SLC44A5: variants seen among roughly 807,000 people sequenced by gnomAD.
The protein encoded by SLC44A5 is solute carrier family 44 member 5, also known as choline transporter-like protein 5.
A neutral mutation model predicts 101.8 loss-of-function variants in SLC44A5; 57 were observed. The ratio of observed to expected loss-of-function variants is 0.56; its 90% confidence interval spans 0.45 to 0.70. The LOEUF (loss-of-function observed/expected upper bound fraction) is 0.70, where lower values mean the gene tolerates loss of function less well. SLC44A5 is among the 30% of genes least tolerant of loss of function. The probability of loss-of-function intolerance (pLI) is 0.00; values close to 1 mark genes in which losing one functional copy is unlikely to be tolerated. For synonymous variants in SLC44A5, 281 were observed against 290.9 expected, an observed-to-expected ratio of 0.97 and a Z score of 0.35; for missense variants, 737 against 853.1, an observed-to-expected ratio of 0.86 and a Z score of 1.70.
rs148131131 is a variant in SLC44A5 at position 75,278,380 on chromosome 1, G to C, written c.176-3338C>G. On this transcript the variant is annotated intron_variant, in intron 5 of 23. Coordinates refer to ENST00000370859, the MANE Select transcript of SLC44A5 (RefSeq NM_001130058.2). ...GTTCTAGTAGAAAGAACAGTGTCAA[G>C]GGCTTCTTTAAGGTGATTATGAGTG... Among the ~76,000 whole-genome samples, 337 of 152,072 alleles carry C rather than the reference G, an allele frequency of 2.2e-3. 2 individuals carry two copies. The highest frequency in any genetic ancestry group is 7.5e-3 in the African/African-American group (310 of 41,502).
At chr1:75,451,545 T>C (rs1054169588) in intron 2 of SLC44A5, among the ~76,000 whole-genome samples, 2 of 152,104 alleles carry the variant, frequency 1.3e-5, no homozygotes, top group African/African-American at 4.8e-5. Context: ...CCTACCAGCA[T>C]GAAAACAATG....
chr1:75,413,159 T>G (rs1414827286), intron 2 of SLC44A5, among the ~76,000 whole-genome samples: 1 of 152,148 alleles, frequency 6.6e-6, no homozygotes, highest in East Asian at 1.9e-4. Context: ...TCTCTTACTG[T>G]GCCTAATTTA....
chr1:75,217,271 C>T (rs1022253409), intron 18 of SLC44A5, among the ~76,000 whole-genome samples: 2 of 151,886 alleles, frequency 1.3e-5, no homozygotes, highest in African/African-American at 4.8e-5. Context: ...TTTTATTTTA[C>T]CTCTATATGT....
chr1:75,393,431 T>C (rs950541713), intron 3 of SLC44A5, among the ~76,000 whole-genome samples: 1 of 152,198 alleles, frequency 6.6e-6, no homozygotes, highest in Non-Finnish European at 1.5e-5. Flanking sequence ...GGTTAAAAAC[T>C]CTTCTTTATC....
the SLC44A5 span, among the ~76,000 whole-genome samples, chr1:75,635,050 A>G: frequency 6.6e-6 from 1 of 150,782 alleles, no homozygotes; most frequent in African/African-American, 2.4e-5. Context: ...CAACAGACAC[A>G]TGAAAAAATG....
intron 1 of SLC44A5, among the ~76,000 whole-genome samples, chr1:75,604,032 G>A (rs1467593977): frequency 2.6e-5 from 4 of 151,730 alleles, no homozygotes; most frequent in African/African-American, 7.3e-5. Context: ...GGTCTCACTT[G>A]CAATTTTTGC....
chr1:75,620,121 T>C, the SLC44A5 span, among the ~76,000 whole-genome samples: 2 of 152,188 alleles, frequency 1.3e-5, no homozygotes, highest in Non-Finnish European at 2.9e-5. Flanking sequence ...CTGAGAATGA[T>C]GGTTTCCAGC....
At chr1:75,459,000 C>A (rs1391126174) in intron 2 of SLC44A5, among the ~76,000 whole-genome samples, 1 of 152,000 alleles carries the variant, frequency 6.6e-6, no homozygotes, top group Non-Finnish European at 1.5e-5. Flanking sequence ...GAGAATTGAA[C>A]CCCATCAGAA....
chr1:75,246,823 C>G (rs932519535), intron 7 of SLC44A5, among the ~76,000 whole-genome samples: 1 of 151,994 alleles, frequency 6.6e-6, no homozygotes, highest in African/African-American at 2.4e-5. Flanking sequence ...AAGTCTAAGT[C>G]TCTAAGGCAG....
chr1:75,453,439 A>T (rs1198805030), intron 2 of SLC44A5, among the ~76,000 whole-genome samples: 9 of 152,162 alleles, frequency 5.9e-5, no homozygotes, highest in Admixed American at 5.2e-4. Context: ...AGTTAGAAAG[A>T]TCTCAAATTA....
intron 6 of SLC44A5, among the ~76,000 whole-genome samples, chr1:75,271,019 T>G (rs1485387472): frequency 6.6e-6 from 1 of 152,096 alleles, no homozygotes; most frequent in Non-Finnish European, 1.5e-5. Context: ...TCCTTCACAG[T>G]GTGAAGGTTG....
rs549289470 is a variant in SLC44A5, at chr1:75,556,208, T to C, written c.-69-14692A>G. The stretch of plus-strand genomic sequence containing the variant: ...CTTCCTCCAAGCAAAATTAGTCACA[T>C]TGTATTTTGTTCTACTGTGCCCTAT... On this transcript the variant is annotated intron_variant, in intron 1 of 23. Coordinates refer to ENST00000370859, the MANE Select transcript of SLC44A5 (RefSeq NM_001130058.2). 3.3e-5 allele frequency among the ~76,000 whole-genome samples: 5 copies of C among 152,230 alleles called. No homozygotes were observed. In the South Asian group the frequency reaches 6.2e-4, roughly 19 times the overall value.
At chr1:75,666,521 C>G in the SLC44A5 span, among the ~76,000 whole-genome samples, 2,501 of 152,218 alleles carry the variant, frequency 0.016, 73 homozygotes, top group African/African-American at 0.057. Flanking sequence ...CAAAGAGGAG[C>G]TGGTACCACT....
At chr1:75,502,250 C>T (rs1298976419) in intron 2 of SLC44A5, among the ~76,000 whole-genome samples, 1 of 152,170 alleles carries the variant, frequency 6.6e-6, no homozygotes, top group Non-Finnish European at 1.5e-5. Flanking sequence ...GAGTACAGAG[C>T]TACTTGTTTC....
chr1:75,232,643 G>A (rs1008343444), intron 12 of SLC44A5, among the ~76,000 whole-genome samples: 3 of 152,098 alleles, frequency 2.0e-5, no homozygotes, highest in African/African-American at 7.2e-5. Context: ...AGATAATGAG[G>A]AGGGTAATAA....
At chr1:75,690,131 T>G in the SLC44A5 span, among the ~76,000 whole-genome samples, 5 of 152,134 alleles carry the variant, frequency 3.3e-5, no homozygotes, top group African/African-American at 1.2e-4. Context: ...AAGATACTAC[T>G]GGAGACTGGG....
At chr1:75,465,530 A>C (rs373815700) in intron 2 of SLC44A5, among the ~76,000 whole-genome samples, 1 of 152,208 alleles carries the variant, frequency 6.6e-6, no homozygotes, top group East Asian at 1.9e-4. Flanking sequence ...GAAATAATAA[A>C]AATCAGAGCA....
intron 3 of SLC44A5, among the ~76,000 whole-genome samples, chr1:75,361,242 C>A (rs1427907548): frequency 6.6e-6 from 1 of 152,034 alleles, no homozygotes; most frequent in East Asian, 1.9e-4. Flanking sequence ...TATATAAGAT[C>A]ATGTCATTAG....
In SLC44A5 at chr1:75,313,652, A is replaced by C. The variant is rs570260014; in HGVS notation, c.102-12967T>G. 3.9e-5 allele frequency among the ~76,000 whole-genome samples: 6 copies of C among 152,316 alleles called. No homozygotes were observed. In the South Asian group the frequency reaches 8.3e-4, roughly 21 times the overall value. On this transcript the variant is annotated intron_variant, in intron 4 of 23. Transcript: ENST00000370859. ...TTCTAGGTCTTGTCAACTGTATTTAAGGGAGCAAAGACAGAGTAAAAGCAA... is the reference window on the plus strand; with the variant it reads ...TTCTAGGTCTTGTCAACTGTATTTACGGGAGCAAAGACAGAGTAAAAGCAA...
Sources: allele counts gnomAD v4.1 joint callset (sites outside exome capture counted in the v4.1 genomes callset), GRCh38; gene constraint gnomAD v4.1.1; transcripts MANE v1.5; gene names NCBI Gene and HGNC (gene_info 2026-07-23, HGNC 2026-07-21).